Variants in MERTK observed in about 807,000 individuals in gnomAD.
The protein encoded by MERTK is tyrosine-protein kinase Mer.
MERTK carries 69 observed loss-of-function variants against 99.3 expected under a neutral mutation model. That is an observed-to-expected ratio of 0.70 (90% CI 0.57 to 0.85). MERTK has a LOEUF of 0.85. Among genes scored for constraint, MERTK ranks in the 40% least tolerant of loss-of-function variants. The pLI is 0.00. For missense variants in MERTK, 1,125 were observed against 1,249.4 expected (o/e 0.90, Z 1.50); for synonymous variants, 426 against 467.6 (o/e 0.91, Z 1.15).
At chr2:111,959,922 A>G (rs1685213093) in intron 4 of MERTK, among the ~76,000 whole-genome samples, 1 of 152,256 alleles carries the variant, frequency 6.6e-6, no homozygotes, top group South Asian at 2.1e-4. Flanking sequence ...ATACACAAGC[A>G]TACACTTCAT....
intron 5 of MERTK, among the ~76,000 whole-genome samples, chr2:111,967,113 G>A (rs939031824): frequency 3.9e-5 from 6 of 152,198 alleles, no homozygotes; most frequent in African/African-American, 7.2e-5. Context: ...GTCCCTGCTG[G>A]TGTTCCCACT....
At chr2:112,021,272 A>G (rs982907447) in intron 16 of MERTK, 150 bp from the exon 17 acceptor site, 2 of 1,109,120 alleles carry the variant, frequency 1.8e-6, no homozygotes, top group Admixed American at 1.9e-5. Flanking sequence ...TTGCTCTGCC[A>G]TTGGTCCCAA....
chr2:111,972,608 T>C (rs543709158), intron 6 of MERTK, among the ~76,000 whole-genome samples: 7 of 152,272 alleles, frequency 4.6e-5, no homozygotes, highest in Admixed American at 4.6e-4. Context: ...GATTCTGTGG[T>C]GCTGGATATG....
At chr2:111,953,093 T>C (rs910687171) in intron 4 of MERTK, among the ~76,000 whole-genome samples, 1 of 152,182 alleles carries the variant, frequency 6.6e-6, no homozygotes, top group African/African-American at 2.4e-5. Context: ...AGGAGAGCAC[T>C]TGCGGCAGCA....
chr2:112,022,188 C>A, intron 17 of MERTK, 70 bp from the exon 18 acceptor site: 1 of 1,603,734 alleles, frequency 6.2e-7, no homozygotes, highest in Non-Finnish European at 8.5e-7. Flanking sequence ...AATGACCTTT[C>A]CCAGTGAAAA....
intron 1 of MERTK, among the ~76,000 whole-genome samples, chr2:111,918,502 C>T (rs1195752249): frequency 6.6e-6 from 1 of 152,094 alleles, no homozygotes; most frequent in Non-Finnish European, 1.5e-5. Flanking sequence ...GGGGAAAGCC[C>T]CTTTGAGACC....
chr2:112,028,635 C>T lies in MERTK; in HGVS notation c.2771C>T (p.Pro924Leu), dbSNP rs761738159. 2 of 1,614,100 alleles carry T rather than the reference C, an allele frequency of 1.2e-6. No homozygotes were observed. The highest frequency in any genetic ancestry group is 1.7e-5 in the Admixed American group (1 of 59,998). ...ACAGCAGAAGTTCATGACAGCAAAC[C>T]TCATGAAGGACGGTACATCCTGAAT... Reference protein sequence around the residue: ...VVTAEVHDSKPHEGRYILNGG... With the variant: ...VVTAEVHDSKLHEGRYILNGG... Residue 924 changes from proline to leucine, a missense_variant, in exon 19 of 19, where the codon CCT becomes CTT. Coordinates refer to ENST00000295408, the MANE Select transcript of MERTK (RefSeq NM_006343.3).
intron 15 of MERTK, among the ~76,000 whole-genome samples, chr2:112,014,171 G>A (rs1291992543): frequency 3.3e-5 from 5 of 151,966 alleles, no homozygotes; most frequent in Non-Finnish European, 5.9e-5. Context: ...AAAGGTGCCC[G>A]CCACCACACC....
At chr2:112,022,941 T>C (rs1677386974) in intron 18 of MERTK, among the ~76,000 whole-genome samples, 2 of 152,082 alleles carry the variant, frequency 1.3e-5, no homozygotes, top group African/African-American at 2.4e-5. Context: ...CCGGAAATTA[T>C]GATGCTTTCG....
At chr2:112,008,773 T>G (rs1677038713) in intron 14 of MERTK, 1 of 468,102 alleles carries the variant, frequency 2.1e-6, no homozygotes. Flanking sequence ...GACACAGAGG[T>G]GGTTGTGTTA....
Position 111,898,664 on chromosome 2 carries a change from G to A in MERTK, c.-72G>A. The stretch of plus-strand genomic sequence containing the variant: ...GGGAGCTTCGCTGGCGCGCTTGGCC[G>A]GCGACAGGACAGGTTCGGGACGTCC... On this transcript the variant is annotated 5_prime_UTR_variant, in exon 1 of 19. Transcript: ENST00000295408. 2 of 1,539,452 alleles carry A rather than the reference G, an allele frequency of 1.3e-6. No homozygotes were observed. The highest frequency in any genetic ancestry group is 1.8e-6 in the Non-Finnish European group (2 of 1,133,054).
intron 4 of MERTK, among the ~76,000 whole-genome samples, chr2:111,958,065 G>C (rs1332192541): frequency 6.6e-6 from 1 of 152,144 alleles, no homozygotes; most frequent in Non-Finnish European, 1.5e-5. Flanking sequence ...AGAGGGGCGT[G>C]AACCATCATA....
intron 5 of MERTK, among the ~76,000 whole-genome samples, chr2:111,967,657 C>T (rs867266941): frequency 1.3e-5 from 2 of 152,106 alleles, no homozygotes; most frequent in South Asian, 2.1e-4. Flanking sequence ...CACACTCATG[C>T]GTGCACACAC....
In MERTK at chr2:112,019,512, C is replaced by T. The variant is rs746238212; in HGVS notation, c.2179C>T (p.Arg727Ter). The change falls in exon 16 of 19, where the codon CGA (arginine) becomes TGA (stop). Residue 727 changes from arginine to a stop codon, truncating the protein, a stop_gained. Coordinates refer to ENST00000295408, the MANE Select transcript of MERTK (RefSeq NM_006343.3). LOFTEE classifies it high-confidence loss of function. ...TTTTCTTCATCGAGATTTAGCTGCTCGAAACTGCATGTAAGAGTCCTCGGC... is the reference window on the plus strand; with the variant it reads ...TTTTCTTCATCGAGATTTAGCTGCTTGAAACTGCATGTAAGAGTCCTCGGC... ...RNFLHRDLAA[R>*]NCMLRDDMTV... The T allele has an allele frequency of 6.2e-6, 10 of 1,610,372 alleles. No individual in the cohort carries two copies. Among genetic ancestry groups the T allele is most frequent in the East Asian group, 2.2e-5 (1 of 44,880 alleles).
intron 1 of MERTK, among the ~76,000 whole-genome samples, chr2:111,908,847 G>A (rs575599905): frequency 6.6e-6 from 1 of 152,144 alleles, no homozygotes; most frequent in Non-Finnish European, 1.5e-5. Flanking sequence ...GAAAAAAGCA[G>A]AAGGGAAAAG....
intron 1 of MERTK, among the ~76,000 whole-genome samples, chr2:111,903,322 C>T (rs748853617): frequency 2.6e-5 from 4 of 152,160 alleles, no homozygotes; most frequent in Admixed American, 6.5e-5. Context: ...CCCTCACATT[C>T]GGGGCTTGGT....
chr2:111,928,223 T>TC, intron 1 of MERTK, among the ~76,000 whole-genome samples: 1 of 134,432 alleles, frequency 7.4e-6, no homozygotes, highest in East Asian at 2.1e-4. Context: ...CAGCTTTTTT[T>TC]TTTTTTTTTT....
Position 111,994,308 on chromosome 2 carries a change from G to A in MERTK, c.1354G>A (p.Val452Ile). The change falls in exon 9 of 19, where the codon GTC (valine) becomes ATC (isoleucine). Residue 452 changes from valine (V) to isoleucine (I), a missense_variant. Coordinates refer to ENST00000295408, the MANE Select transcript of MERTK (RefSeq NM_006343.3). Reference protein sequence around the residue: ...NGSRARISVQVHNATCTVRIA... With the variant: ...NGSRARISVQIHNATCTVRIA... ...CAGCCGAGCTCGGATCTCTGTTCAAGTCCACAATGCTACGTGCACAGTGAG... is the reference window on the plus strand; with the variant it reads ...CAGCCGAGCTCGGATCTCTGTTCAAATCCACAATGCTACGTGCACAGTGAG... The A allele has an allele frequency of 6.2e-7, 1 of 1,614,224 alleles. No homozygotes were observed. The highest frequency in any genetic ancestry group is 2.2e-5 in the East Asian group (1 of 44,884).
chr2:111,970,814 TCCTCCCTCCTCCTCC>T (rs1478105971), intron 6 of MERTK, among the ~76,000 whole-genome samples: 1 of 79,246 alleles, frequency 1.3e-5, no homozygotes, highest in Non-Finnish European at 2.3e-5. Context: ...CTCCTCCTCC[TCCTCCCTCCTCCTCC>T]CTCCTCCTTC....
Sources: gnomAD v4.1 joint callset for allele counts (sites outside exome capture counted in the v4.1 genomes callset) on GRCh38, gnomAD v4.1.1 for gene constraint, MANE v1.5 for transcripts, NCBI Gene and HGNC (gene_info 2026-07-23, HGNC 2026-07-21) for gene names.